Variants in SPAG16 observed in about 807,000 individuals in gnomAD.
SPAG16 encodes sperm associated antigen 16, also known as sperm-associated antigen 16 protein.
SPAG16 carries 86 observed loss-of-function variants against 80.4 expected under a neutral mutation model. That is an observed-to-expected ratio of 1.07 (90% CI 0.90 to 1.28). The LOEUF (loss-of-function observed/expected upper bound fraction) is 1.28, where lower values mean the gene tolerates loss of function less well. Among genes scored for constraint, SPAG16 ranks in the 50% most tolerant of loss-of-function variants. The probability of loss-of-function intolerance (pLI) is 0.00; values close to 1 mark genes in which losing one functional copy is unlikely to be tolerated. For missense variants in SPAG16, 870 were observed against 765.3 expected (o/e 1.14, Z -1.61); for synonymous variants, 294 against 265.9 (o/e 1.11, Z -1.03).
chr2:213,830,282 A>G (rs190670824), intron 10 of SPAG16, among the ~76,000 whole-genome samples: 1 of 152,236 alleles, frequency 6.6e-6, no homozygotes, highest in East Asian at 1.9e-4. Context: ...CTGAGTTCCA[A>G]TGCAAAATCC....
chr2:213,795,394 A>G (rs2070960207), intron 10 of SPAG16, among the ~76,000 whole-genome samples: 1 of 152,228 alleles, frequency 6.6e-6, no homozygotes, highest in Non-Finnish European at 1.5e-5. Flanking sequence ...CTACACTTTT[A>G]TGTCTTCCCA....
intron 10 of SPAG16, among the ~76,000 whole-genome samples, chr2:213,621,959 GA>G (rs2061803768): frequency 6.6e-6 from 1 of 152,120 alleles, no homozygotes; most frequent in South Asian, 2.1e-4. Context: ...ATAAGTCTTA[GA>G]ACCATTGGAG....
intron 10 of SPAG16, among the ~76,000 whole-genome samples, chr2:213,639,703 T>G (rs2062512935): frequency 6.6e-6 from 1 of 152,190 alleles, no homozygotes; most frequent in African/African-American, 2.4e-5. Context: ...TTAAGTAACC[T>G]GATAAGTATG....
intron 10 of SPAG16, among the ~76,000 whole-genome samples, chr2:213,649,350 A>G (rs923725155): frequency 2.0e-5 from 3 of 152,212 alleles, no homozygotes; most frequent in Non-Finnish European, 2.9e-5. Context: ...TTTCTGGAGA[A>G]AGGTTATACA....
At chr2:213,582,715 A>T (rs148309279) in intron 10 of SPAG16, among the ~76,000 whole-genome samples, 2 of 152,252 alleles carry the variant, frequency 1.3e-5, no homozygotes, top group East Asian at 3.9e-4. Context: ...ATGCTTGAAA[A>T]TTACTTTTTT....
intron 15 of SPAG16, among the ~76,000 whole-genome samples, chr2:214,253,344 T>C (rs920477604): frequency 6.6e-6 from 1 of 152,176 alleles, no homozygotes; most frequent in South Asian, 2.1e-4. Flanking sequence ...TTTGTTGCCA[T>C]TGCTTTTGGT....
intron 10 of SPAG16, among the ~76,000 whole-genome samples, chr2:213,584,107 C>A (rs1157336328): frequency 6.6e-6 from 1 of 152,218 alleles, no homozygotes; most frequent in Admixed American, 6.5e-5. Flanking sequence ...TATAAGCACT[C>A]TACTGGATGA....
At chr2:213,718,470 A>G (rs1475369047) in intron 10 of SPAG16, among the ~76,000 whole-genome samples, 2 of 152,154 alleles carry the variant, frequency 1.3e-5, no homozygotes, top group Non-Finnish European at 2.9e-5. Context: ...CCACTCCCTC[A>G]GCTTTCAGGG....
intron 12 of SPAG16, among the ~76,000 whole-genome samples, chr2:213,954,882 T>C (rs2044041665): frequency 1.3e-5 from 2 of 152,298 alleles, no homozygotes; most frequent in Non-Finnish European, 2.9e-5. Context: ...TCATAAAACA[T>C]TGTGATTTTA....
At chr2:213,983,575 C>T (rs1414908384) in intron 12 of SPAG16, among the ~76,000 whole-genome samples, 8 of 151,926 alleles carry the variant, frequency 5.3e-5, no homozygotes. Flanking sequence ...TTTGAAAGGC[C>T]TACAATGTTC....
intron 15 of SPAG16, among the ~76,000 whole-genome samples, chr2:214,315,202 A>G (rs1247023245): frequency 6.6e-6 from 1 of 152,162 alleles, no homozygotes; most frequent in East Asian, 1.9e-4. Context: ...ATCTTGAGTG[A>G]CACCAAAGAA....
intron 10 of SPAG16, among the ~76,000 whole-genome samples, chr2:213,815,170 C>T (rs1242209637): frequency 6.6e-6 from 1 of 152,022 alleles, no homozygotes; most frequent in Non-Finnish European, 1.5e-5. Flanking sequence ...ACAACTGAAA[C>T]ATGCATGAAT....
intron 11 of SPAG16, among the ~76,000 whole-genome samples, chr2:213,875,282 T>A (rs529561434): frequency 6.6e-6 from 1 of 152,172 alleles, no homozygotes; most frequent in South Asian, 2.1e-4. Flanking sequence ...ATAGAATGGA[T>A]GCACTCATTG....
chr2:213,800,250 T>G (rs900923408), intron 10 of SPAG16, among the ~76,000 whole-genome samples: 3 of 152,122 alleles, frequency 2.0e-5, no homozygotes, highest in African/African-American at 4.8e-5. Flanking sequence ...AAATCATGCT[T>G]CTGCCATATT....
intron 9 of SPAG16, among the ~76,000 whole-genome samples, chr2:213,410,579 G>T (rs989705432): frequency 1.3e-5 from 2 of 152,158 alleles, no homozygotes; most frequent in Non-Finnish European, 2.9e-5. Flanking sequence ...ACTGGTTTTT[G>T]TAATTTCCTA....
At chr2:213,730,964 A>C (rs1574967566) in intron 10 of SPAG16, among the ~76,000 whole-genome samples, 1 of 152,140 alleles carries the variant, frequency 6.6e-6, no homozygotes, top group African/African-American at 2.4e-5. Context: ...TAATGAGTCC[A>C]TCAAAGGCAT....
chr2:214,211,074 T>C (rs781651735), intron 15 of SPAG16, among the ~76,000 whole-genome samples: 10 of 152,160 alleles, frequency 6.6e-5, no homozygotes, highest in Non-Finnish European at 1.2e-4. Context: ...GCTACTCACT[T>C]GTTTTATTTT....
intron 15 of SPAG16, among the ~76,000 whole-genome samples, chr2:214,384,332 A>G (rs1217904062): frequency 1.3e-5 from 2 of 152,220 alleles, no homozygotes; most frequent in Non-Finnish European, 2.9e-5. Context: ...GGTACTTATT[A>G]GCACCCATTT....
chr2:213,431,377 A>C (rs1197585323), intron 9 of SPAG16, among the ~76,000 whole-genome samples: 2 of 152,080 alleles, frequency 1.3e-5, no homozygotes, highest in African/African-American at 2.4e-5. Context: ...ATAAAACCCC[A>C]AAACCAACTA....
Sources: allele counts gnomAD v4.1 joint callset (sites outside exome capture counted in the v4.1 genomes callset), GRCh38; gene constraint gnomAD v4.1.1; transcripts MANE v1.5; gene names NCBI Gene and HGNC (gene_info 2026-07-23, HGNC 2026-07-21).